The following ZNF808 variants were observed in gnomAD, a reference collection of about 807,000 sequenced individuals.
ZNF808 encodes zinc finger protein 808.
Under a neutral mutation model 8.7 loss-of-function variants are expected in ZNF808, and 5 were observed. The ratio of observed to expected loss-of-function variants is 0.58; its 90% confidence interval spans 0.30 to 1.21. ZNF808 has a LOEUF of 1.21. Among genes scored for constraint, ZNF808 ranks in the 50% most tolerant of loss-of-function variants. The pLI is 0.07. For synonymous variants in ZNF808, 380 were observed against 366.0 expected, an observed-to-expected ratio of 1.04 and a Z score of -0.44; for missense variants, 1,103 against 1,098.4, an observed-to-expected ratio of 1.00 and a Z score of -0.06.
chr19:52,547,889 G>A (rs1255310149), intron 4 of ZNF808, among the ~76,000 whole-genome samples: 3 of 151,902 alleles, frequency 2.0e-5, no homozygotes, highest in African/African-American at 4.8e-5. Flanking sequence ...ACAGGCATGC[G>A]CCACCATGCC....
At chr19:52,534,007 G>A (rs2059584041) in intron 2 of ZNF808, among the ~76,000 whole-genome samples, 2 of 152,250 alleles carry the variant, frequency 1.3e-5, no homozygotes, top group Admixed American at 6.5e-5. Context: ...CCAGAGTCTA[G>A]TGGAATGCAG....
Position 52,555,498 on chromosome 19 carries a change from A to G in ZNF808, c.2582A>G (p.His861Arg). 2 of 1,614,036 alleles carry G rather than the reference A, an allele frequency of 1.2e-6. No individual in the cohort carries two copies. The highest frequency in any genetic ancestry group is 1.7e-6 in the Non-Finnish European group (2 of 1,179,980). The change falls in exon 5 of 5, where the codon CAC becomes CGC. Residue 861 changes from histidine (H) to arginine (R), a missense_variant. Coordinates refer to ENST00000359798, the MANE Select transcript of ZNF808 (RefSeq NM_001039886.4). ...GACAAAGTTTTCAGTCGCAAATCAC[A>G]CCTTAAAAGACATAGGATAATTCAT... ...ACDKVFSRKS[H>R]LKRHRIIHTG...
downstream of ZNF808, among the ~76,000 whole-genome samples, chr19:52,565,346 C>T (rs1488037597): frequency 6.6e-6 from 1 of 152,132 alleles, no homozygotes; most frequent in African/African-American, 2.4e-5. Flanking sequence ...AAAGGAAAAT[C>T]AAAATTACTA....
intron 3 of ZNF808, among the ~76,000 whole-genome samples, chr19:52,562,197 G>C (rs1487405647): frequency 6.6e-6 from 1 of 152,030 alleles, no homozygotes; most frequent in African/African-American, 2.4e-5. Context: ...GGCCAACATG[G>C]TGAAACCCTT....
At chr19:52,533,692 A>G (rs1374514038) in intron 2 of ZNF808, among the ~76,000 whole-genome samples, 1 of 151,730 alleles carries the variant, frequency 6.6e-6, no homozygotes, top group African/African-American at 2.4e-5. Flanking sequence ...TGTCTCTACT[A>G]AAAATACGAA....
chr19:52,538,547 G>C lies in ZNF808; in HGVS notation c.-19-4719G>C, dbSNP rs1221616924. 6.0e-5 allele frequency among the ~76,000 whole-genome samples: 9 copies of C among 150,140 alleles called. No individual in the cohort carries two copies. In the East Asian group the frequency reaches 1.6e-3, roughly 27 times the overall value. On this transcript the variant is annotated intron_variant, in intron 2 of 4. Transcript: ENST00000359798. ...GGAGGCCGAGGCAGGAGAATCACTT[G>C]AACCCAGGAGGCAGAGGTTGTGGTG... is the stretch of plus-strand genomic sequence containing the variant.
At chr19:52,535,589 G>A (rs968369740) in intron 2 of ZNF808, among the ~76,000 whole-genome samples, 7 of 152,142 alleles carry the variant, frequency 4.6e-5, no homozygotes, top group African/African-American at 1.7e-4. Flanking sequence ...CATCCCAGGC[G>A]GAGGCCCTAG....
downstream of ZNF808, among the ~76,000 whole-genome samples, chr19:52,566,793 T>G (rs139229089): frequency 2.0e-5 from 3 of 152,282 alleles, no homozygotes; most frequent in East Asian, 5.8e-4. Context: ...CTCATGGTCT[T>G]AAGATGTTTA....
At chr19:52,535,649 G>A (rs2059601701) in intron 2 of ZNF808, among the ~76,000 whole-genome samples, 1 of 152,218 alleles carries the variant, frequency 6.6e-6, no homozygotes, top group African/African-American at 2.4e-5. Flanking sequence ...CTGAATGAAT[G>A]GAGAATAGAA....
chr19:52,539,399 C>T (rs931052824), intron 2 of ZNF808, among the ~76,000 whole-genome samples: 3 of 151,406 alleles, frequency 2.0e-5, no homozygotes, highest in African/African-American at 4.9e-5. Context: ...ACCATCTAGG[C>T]GGGACTTGTC....
intron 2 of ZNF808, among the ~76,000 whole-genome samples, chr19:52,539,226 C>G (rs1304844856): frequency 8.0e-6 from 1 of 124,368 alleles, no homozygotes; most frequent in Non-Finnish European, 1.6e-5. Flanking sequence ...TGGAGTCTCT[C>G]TGTGTCACGC....
intron 1 of ZNF808, among the ~76,000 whole-genome samples, chr19:52,531,752 T>C (rs2059563757): frequency 1.8e-4 from 3 of 17,058 alleles, no homozygotes; most frequent in African/African-American, 5.0e-4. Flanking sequence ...CTATGTTTTA[T>C]ATTTTACACA....
At position 52,554,187 on chromosome 19, in the gene ZNF808, A is replaced by G. The variant is rs1568490222; in HGVS notation, c.1271A>G (p.Glu424Gly). Residue 424 changes from glutamate to glycine, a missense_variant, in exon 5 of 5, where the codon GAG (glutamate) becomes GGG (glycine). Transcript: ENST00000359798. ...LARHHILHTGEKPYKCEECDK... is the reference protein window; with the variant it reads ...LARHHILHTGGKPYKCEECDK... ...CGTCATCATATACTTCATACTGGAGAGAAACCTTACAAATGTGAAGAATGT... is the reference window on the plus strand; with the variant it reads ...CGTCATCATATACTTCATACTGGAGGGAAACCTTACAAATGTGAAGAATGT... 1 of 1,614,056 alleles carries G rather than the reference A, an allele frequency of 6.2e-7. No individual in the cohort carries two copies. The highest frequency in any genetic ancestry group is 8.5e-7 in the Non-Finnish European group (1 of 1,180,034).
At chr19:52,542,084 T>TACATC (rs2059676331) in intron 2 of ZNF808, among the ~76,000 whole-genome samples, 1 of 151,836 alleles carries the variant, frequency 6.6e-6, no homozygotes, top group Non-Finnish European at 1.5e-5. Flanking sequence ...AGTGAGAAGA[T>TACATC]ACATCACTTC....
At position 52,530,211 on chromosome 19, in the gene ZNF808, C is replaced by T. The variant is rs567283297; in HGVS notation, c.-122+2500C>T. On this transcript the variant is annotated intron_variant, in intron 1 of 4. Transcript: ENST00000359798. ...GAGTAGTTGGGAGTACAGGCATGCA[C>T]CACCATGCCTGGCTAATTTTGTGTT... Among the ~76,000 whole-genome samples, 13 of 152,176 alleles carry T rather than the reference C, an allele frequency of 8.5e-5. No homozygotes were observed. The South Asian group carries it at 1.9e-3, about 22-fold the overall frequency.
In ZNF808 at chr19:52,554,651, C is replaced by A. The variant is rs770856845; in HGVS notation, c.1735C>A (p.Gln579Lys). 1 of 1,613,940 alleles carries A rather than the reference C, an allele frequency of 6.2e-7. No homozygotes were observed. Residue 579 changes from glutamine to lysine, a missense_variant, in exon 5 of 5, where the codon CAA becomes AAA. Transcript: ENST00000359798. ...CNECGKAFNQ[Q>K]SHLSRHRRLH... The stretch of plus-strand genomic sequence containing the variant: ...TGAATGTGGGAAAGCTTTTAATCAA[C>A]AATCACATCTTTCACGTCATCGTAG...
At chr19:52,533,798 G>C (rs1351479267) in intron 2 of ZNF808, among the ~76,000 whole-genome samples, 1 of 134,918 alleles carries the variant, frequency 7.4e-6, no homozygotes, top group African/African-American at 2.8e-5. Flanking sequence ...AGCCAAGATT[G>C]TGCCACTGCA....
At chr19:52,544,229 A>C (rs1374181635) in intron 3 of ZNF808, among the ~76,000 whole-genome samples, 4 of 152,148 alleles carry the variant, frequency 2.6e-5, no homozygotes, top group Admixed American at 2.6e-4. Context: ...CACAATTCAG[A>C]GTTTACAGCA....
At chr19:52,530,636 C>T (rs1340895650) in intron 1 of ZNF808, among the ~76,000 whole-genome samples, 1 of 149,506 alleles carries the variant, frequency 6.7e-6, no homozygotes, top group Non-Finnish European at 1.5e-5. Flanking sequence ...GCATGCCAGG[C>T]TGGGCAACGG....
Sources: gnomAD v4.1 joint callset for allele counts (sites outside exome capture counted in the v4.1 genomes callset) on GRCh38, gnomAD v4.1.1 for gene constraint, MANE v1.5 for transcripts, NCBI Gene and HGNC (gene_info 2026-07-23, HGNC 2026-07-21) for gene names.